Variants in MYO10 observed in about 807,000 individuals in gnomAD.
MYO10 encodes the protein unconventional myosin-X.
A neutral mutation model predicts 257.3 loss-of-function variants in MYO10; 133 were observed. The ratio of observed to expected loss-of-function variants is 0.52; its 90% CI spans 0.45 to 0.60. The LOEUF is 0.60. Ranked by LOEUF, MYO10 falls within the 20% of genes least tolerant of loss-of-function variation. The probability of loss-of-function intolerance (pLI) is 0.00; values close to 1 mark genes in which losing one functional copy is unlikely to be tolerated. For missense variants in MYO10, 2,399 were observed against 2,635.7 expected (o/e 0.91, Z 1.97); for synonymous variants, 1,104 against 1,028.6 (o/e 1.07, Z -1.40).
intron 18 of MYO10, among the ~76,000 whole-genome samples, chr5:16,757,345 G>GA (rs1199080019): frequency 6.0e-4 from 68 of 113,638 alleles, no homozygotes; most frequent in Admixed American, 1.1e-3. Flanking sequence ...CACACACACG[G>GA]AAAAAAAAAA....
intron 32 of MYO10, among the ~76,000 whole-genome samples, chr5:16,680,311 G>A (rs73049029): frequency 1.1e-3 from 162 of 152,282 alleles, no homozygotes; most frequent in African/African-American, 3.8e-3. Flanking sequence ...ATTTACAGCT[G>A]AGATGGGGAG....
chr5:16,733,450 A>G (rs1381672396), intron 19 of MYO10, among the ~76,000 whole-genome samples: 1 of 152,078 alleles, frequency 6.6e-6, no homozygotes, highest in Non-Finnish European at 1.5e-5. Context: ...ACCAGAAGAA[A>G]AAAAAAGTCA....
At chr5:16,912,169 AT>A (rs1195283237) in intron 1 of MYO10, among the ~76,000 whole-genome samples, 1 of 152,188 alleles carries the variant, frequency 6.6e-6, no homozygotes, top group Non-Finnish European at 1.5e-5. Context: ...AAGCCAAAAG[AT>A]TGGACACCCT....
intron 2 of MYO10, among the ~76,000 whole-genome samples, chr5:16,873,557 A>G (rs1744506991): frequency 1.3e-5 from 2 of 152,318 alleles, no homozygotes; most frequent in Admixed American, 6.5e-5. Context: ...GGGGGTTCCA[A>G]CCAACATTTC....
chr5:16,701,768 C>T lies in MYO10; in HGVS notation c.2627G>A (p.Arg876His), dbSNP rs755188481. The change falls in exon 25 of 41, where the codon CGT (arginine) becomes CAT (histidine). Residue 876 changes from arginine (R) to histidine (H), a missense_variant. Around this residue, in one of 3 missense-constraint regions of MYO10, gnomAD observed 1,820 missense variants for 1,939.4 expected, o/e 0.94. Coordinates refer to ENST00000513610, the MANE Select transcript of MYO10 (RefSeq NM_012334.3). The surrounding 1 kb of genome is among the most constrained non-coding windows in gnomAD (Gnocchi z 8.1). ...ATTTTCCTTCTGTTTCTCCAGTTCA[C>T]GGGTCAGTTCAGCTTCCTTCTGGCT... ...QKSQKEAELTRELEKQKENKQ... is the reference protein window; with the variant it reads ...QKSQKEAELTHELEKQKENKQ... 2.5e-5 allele frequency: 40 copies of T among 1,613,810 alleles called. No homozygotes were observed. The highest frequency in any genetic ancestry group is 2.5e-4 in the East Asian group (11 of 44,880).
chr5:16,918,100 C>A (rs1030292708), intron 1 of MYO10, among the ~76,000 whole-genome samples: 1 of 152,160 alleles, frequency 6.6e-6, no homozygotes, highest in African/African-American at 2.4e-5. Context: ...CCATCCATTA[C>A]CTTTTAAAGT....
chr5:16,929,839 A>T (rs1746247477), intron 1 of MYO10, among the ~76,000 whole-genome samples: 2 of 152,132 alleles, frequency 1.3e-5, no homozygotes, highest in South Asian at 4.1e-4. Flanking sequence ...GAGATGCAGA[A>T]CCCACAGATA....
chr5:16,867,194 T>G (rs757343823), intron 2 of MYO10, among the ~76,000 whole-genome samples: 1 of 152,242 alleles, frequency 6.6e-6, no homozygotes, highest in Non-Finnish European at 1.5e-5. Context: ...GATCTGCCAC[T>G]TCCCTTCAGC....
chr5:16,829,850 C>A (rs1273682203), intron 2 of MYO10, among the ~76,000 whole-genome samples: 4 of 151,974 alleles, frequency 2.6e-5, no homozygotes, highest in Non-Finnish European at 5.9e-5. Flanking sequence ...AAGTTAAATG[C>A]CACACAAAGT....
chr5:16,914,474 A>G (rs1745761231), intron 1 of MYO10, among the ~76,000 whole-genome samples: 1 of 152,210 alleles, frequency 6.6e-6, no homozygotes, highest in Non-Finnish European at 1.5e-5. Context: ...GGGATCAGTG[A>G]TATCTGACAG....
chr5:16,908,126 G>A (rs1409996455), intron 1 of MYO10, among the ~76,000 whole-genome samples: 5 of 151,766 alleles, frequency 3.3e-5, no homozygotes, highest in African/African-American at 4.8e-5. Flanking sequence ...CCAGCTACTC[G>A]GGAGGCTGAG....
chr5:16,762,200 CA>C, intron 15 of MYO10, 87 bp from the exon 16 acceptor site: 1 of 1,370,996 alleles, frequency 7.3e-7, no homozygotes. Flanking sequence ...ACACTAAATA[CA>C]AAAGACAGTG....
In MYO10 at chr5:16,711,020, T is replaced by C; in HGVS notation, c.2057A>G (p.Tyr686Cys). ...RRPFQDFYKR[Y>C]KVLMRNLALP... The stretch of plus-strand genomic sequence containing the variant: ...AGCCAGATTCCTCATCAGCACTTTA[T>C]ACCTGCAACGTGAAGACACACAGGG... The change falls in exon 21 of 41, where the codon TAT (tyrosine) becomes TGT (cysteine). Residue 686 changes from tyrosine to cysteine, a missense_variant and splice_region_variant. Transcript: ENST00000513610. The C allele has an allele frequency of 6.2e-7, 1 of 1,614,016 alleles. No homozygotes were observed. The highest frequency in any genetic ancestry group is 8.5e-7 in the Non-Finnish European group (1 of 1,179,884).
intron 1 of MYO10, among the ~76,000 whole-genome samples, chr5:16,891,944 T>A (rs1745072349): frequency 1.3e-5 from 2 of 152,190 alleles, no homozygotes; most frequent in South Asian, 4.1e-4. Flanking sequence ...TTTTATATAC[T>A]TTCTCTAGAA....
At chr5:16,674,024 C>G in intron 35 of MYO10, 135 bp from the exon 36 acceptor site, 1 of 723,786 alleles carries the variant, frequency 1.4e-6, no homozygotes, top group Non-Finnish European at 2.3e-6. Flanking sequence ...GCACCAGTGA[C>G]TTCTTGGCAA....
rs754672773 is a variant in MYO10 at position 16,671,467 on chromosome 5, G to T, written c.5385C>A (p.Asp1795Glu). 2.5e-6 allele frequency: 4 copies of T among 1,613,978 alleles called. No individual in the cohort carries two copies. Among genetic ancestry groups the T allele is most frequent in the East Asian group, 2.2e-5 (1 of 44,886 alleles). Residue 1795 changes from aspartate to glutamate, a missense_variant, in exon 38 of 41, where the codon GAC becomes GAA. Asp to Glu is a conservative substitution (Grantham distance 45, BLOSUM62 2). Around this residue, in one of 3 missense-constraint regions of MYO10, gnomAD observed 1,820 missense variants for 1,939.4 expected, o/e 0.94. Transcript: ENST00000513610. ...YFKLYCFLDT[D>E]NVPKDSVEFA... ...ACTCCACACTGTCTTTTGGCACGTT[G>T]TCTGTGTCCAGGAAGCAGTAAAGTT...
Position 16,762,653 on chromosome 5 carries a change from GA to G in MYO10, c.1495-17del, listed in dbSNP as rs542293794. 1,408 of 1,557,874 alleles carry G rather than the reference GA, an allele frequency of 9.0e-4. 3 individuals carry two copies. Among genetic ancestry groups the G allele is most frequent in the Non-Finnish European group, 1.1e-3 (1,248 of 1,144,246 alleles). On this transcript the variant is annotated splice_polypyrimidine_tract_variant and intron_variant, in intron 14 of 40. Transcript: ENST00000513610. ...GGCCAAGTTTCTAGAAGAAGAAAAA[GA>G]AAAAATGAATTAAAAGTTGAATGTG... is the stretch of plus-strand genomic sequence containing the variant.
chr5:16,877,913 A>G (rs986890150), intron 1 of MYO10, among the ~76,000 whole-genome samples: 2 of 152,238 alleles, frequency 1.3e-5, no homozygotes, highest in Non-Finnish European at 2.9e-5. Context: ...CCCATCAGAC[A>G]TAGAAGGCAA....
chr5:16,830,267 T>C (rs1239685501), intron 2 of MYO10, among the ~76,000 whole-genome samples: 1 of 151,896 alleles, frequency 6.6e-6, no homozygotes, highest in African/African-American at 2.4e-5. Context: ...GACCTCAAAT[T>C]TGTATTTATA....
Sources: allele counts gnomAD v4.1 joint callset (sites outside exome capture counted in the v4.1 genomes callset), GRCh38; gene constraint gnomAD v4.1.1; regional missense constraint gnomAD v4.1.1; non-coding constraint Gnocchi (gnomAD v3.1); transcripts MANE v1.5; gene names NCBI Gene and HGNC (gene_info 2026-07-23, HGNC 2026-07-21).